GRID1: variants seen among roughly 807,000 people sequenced by gnomAD.
The protein encoded by GRID1 is glutamate receptor ionotropic, delta-1.
A neutral mutation model predicts 98.0 loss-of-function variants in GRID1; 28 were observed. The ratio of observed to expected loss-of-function variants is 0.29; its 90% CI spans 0.21 to 0.39. The LOEUF is 0.39. GRID1 is among the 10% of genes least tolerant of loss of function. The probability of loss-of-function intolerance (pLI) is 1.00; values close to 1 mark genes in which losing one functional copy is unlikely to be tolerated. For synonymous variants in GRID1, 553 were observed against 538.5 expected (o/e 1.03, Z -0.37); for missense variants, 1,111 against 1,340.5 (o/e 0.83, Z 2.67).
intron 2 of GRID1, among the ~76,000 whole-genome samples, chr10:86,359,777 C>A (rs1848578110): frequency 6.6e-6 from 1 of 152,172 alleles, no homozygotes; most frequent in Non-Finnish European, 1.5e-5. Context: ...TATATAAACT[C>A]CTACTTGAGC....
chr10:85,960,067 G>A (rs1394606004), intron 4 of GRID1, among the ~76,000 whole-genome samples: 1 of 152,034 alleles, frequency 6.6e-6, no homozygotes, highest in Non-Finnish European at 1.5e-5. Flanking sequence ...TTTTTTGGTA[G>A]AGACAGGGTT....
At chr10:86,270,540 A>G (rs12257669) in intron 2 of GRID1, among the ~76,000 whole-genome samples, 1 of 151,904 alleles carries the variant, frequency 6.6e-6, no homozygotes, top group East Asian at 1.9e-4. Flanking sequence ...AAACACAAAA[A>G]TTAGCCAGGT....
At chr10:85,992,563 T>C (rs1211458731) in intron 4 of GRID1, among the ~76,000 whole-genome samples, 1 of 150,704 alleles carries the variant, frequency 6.6e-6, no homozygotes, top group East Asian at 1.9e-4. Context: ...AGCCAGAGTG[T>C]TCAGGGAATG....
At chr10:85,774,403 A>G (rs1320893123) in intron 8 of GRID1, among the ~76,000 whole-genome samples, 2 of 152,148 alleles carry the variant, frequency 1.3e-5, no homozygotes, top group African/African-American at 4.8e-5. Flanking sequence ...ACCATTCAGG[A>G]CATAGGCATG....
chr10:86,175,581 G>A (rs1421682821), intron 3 of GRID1, among the ~76,000 whole-genome samples: 3 of 152,160 alleles, frequency 2.0e-5, no homozygotes, highest in Non-Finnish European at 2.9e-5. Context: ...AGGACATCAC[G>A]GACCTTTCCG....
At chr10:85,994,054 T>G (rs1842712899) in intron 4 of GRID1, among the ~76,000 whole-genome samples, 1 of 152,220 alleles carries the variant, frequency 6.6e-6, no homozygotes, top group Non-Finnish European at 1.5e-5. Context: ...TGCTGAGCCA[T>G]CTTCCCTGAT....
rs114194273 is a variant in GRID1 at position 85,719,712 on chromosome 10, G to A, written c.1997+3291C>T. Among the ~76,000 whole-genome samples the A allele has an allele frequency of 9.3e-3, 1,423 of 152,202 alleles. 17 individuals carry two copies. Among genetic ancestry groups the A allele is most frequent in the Middle Eastern group, 0.041 (12 of 294 alleles). ...ATATAATTCAGGTTGAGATTCGGGT[G>A]GGGGCACAGCCAAACCATATCAGTA... On this transcript the variant is annotated intron_variant, in intron 12 of 15. Coordinates refer to ENST00000327946, the MANE Select transcript of GRID1 (RefSeq NM_017551.3).
At position 85,602,433 on chromosome 10, in the gene GRID1, C is replaced by A. The variant is rs778597104; in HGVS notation, c.2870G>T (p.Ser957Ile). 6.2e-7 allele frequency: 1 copy of A among 1,614,160 alleles called. No homozygotes were observed. Among genetic ancestry groups the A allele is most frequent in the East Asian group, 2.2e-5 (1 of 44,862 alleles). ...CTGCATGGAGGGCATGGTCGCCGAGCTGCTCAGCGGCAGCGGCAGGTTGCT... is the reference window on the plus strand; with the variant it reads ...CTGCATGGAGGGCATGGTCGCCGAGATGCTCAGCGGCAGCGGCAGGTTGCT... ...PSSNLPLPLS[S>I]SATMPSMQCK... Residue 957 changes from serine (S) to isoleucine (I), a missense_variant, in exon 16 of 16, where the codon AGC (serine) becomes ATC (isoleucine). Transcript: ENST00000327946.
At chr10:85,938,347 C>A (rs1359066529) in intron 4 of GRID1, among the ~76,000 whole-genome samples, 16 of 152,206 alleles carry the variant, frequency 1.1e-4, no homozygotes, top group African/African-American at 3.9e-4. Flanking sequence ...AGAGTCCACC[C>A]TCTACTCTTG....
intron 8 of GRID1, among the ~76,000 whole-genome samples, chr10:85,821,918 C>A (rs911962812): frequency 6.6e-6 from 1 of 151,988 alleles, no homozygotes; most frequent in Admixed American, 6.6e-5. Flanking sequence ...ACAAACCTGA[C>A]AAAAACAAGA....
intron 4 of GRID1, among the ~76,000 whole-genome samples, chr10:86,065,184 C>G (rs1843701516): frequency 6.6e-6 from 1 of 152,212 alleles, no homozygotes; most frequent in Non-Finnish European, 1.5e-5. Context: ...AGTGGTTCTC[C>G]AAGTGTGCTC....
chr10:85,907,598 T>C (rs1841480729), intron 5 of GRID1, among the ~76,000 whole-genome samples: 1 of 152,176 alleles, frequency 6.6e-6, no homozygotes, highest in South Asian at 2.1e-4. Context: ...AACAAACATT[T>C]AGTGGAAAAA....
chr10:85,897,409 GA>G, intron 5 of GRID1, among the ~76,000 whole-genome samples: 1 of 152,330 alleles, frequency 6.6e-6, no homozygotes, highest in African/African-American at 2.4e-5. Context: ...CCTGAGCCAG[GA>G]AACCTCCAGG....
intron 13 of GRID1, among the ~76,000 whole-genome samples, chr10:85,639,728 C>T (rs1356865189): frequency 6.6e-6 from 1 of 152,110 alleles, no homozygotes; most frequent in Non-Finnish European, 1.5e-5. Flanking sequence ...ACAAAATTAG[C>T]TGGGCATGGT....
intron 12 of GRID1, among the ~76,000 whole-genome samples, chr10:85,706,732 C>A (rs1258851298): frequency 1.3e-5 from 2 of 152,144 alleles, no homozygotes; most frequent in African/African-American, 4.8e-5. Flanking sequence ...CTACAGTCAC[C>A]AAAACAGCAT....
intron 4 of GRID1, among the ~76,000 whole-genome samples, chr10:86,065,674 C>T (rs1312775786): frequency 6.6e-6 from 1 of 152,214 alleles, no homozygotes; most frequent in Non-Finnish European, 1.5e-5. Flanking sequence ...AACTAATTCA[C>T]TTGGTGATTA....
At chr10:85,666,068 G>T (rs1412952781) in intron 12 of GRID1, among the ~76,000 whole-genome samples, 1 of 152,118 alleles carries the variant, frequency 6.6e-6, no homozygotes, top group Non-Finnish European at 1.5e-5. Context: ...TTTTCTACCT[G>T]GTTTGTAAAG....
intron 3 of GRID1, among the ~76,000 whole-genome samples, chr10:86,165,628 G>A (rs1390564825): frequency 6.6e-6 from 1 of 152,190 alleles, no homozygotes; most frequent in African/African-American, 2.4e-5. Flanking sequence ...GTTCTGGGTT[G>A]GGTTTAAGGT....
rs60555673 is a variant in GRID1 at position 85,826,733 on chromosome 10, T to G, written c.1233+27763A>C. Among the ~76,000 whole-genome samples, 867 of 152,208 alleles carry G rather than the reference T, an allele frequency of 5.7e-3. 8 individuals are homozygous for G. The highest frequency in any genetic ancestry group is 0.02 in the African/African-American group (815 of 41,528). ...CTGGCCAGCATCTCCCATCAGATCATTGGGCCAACAGAATGGGAACACCTC... is the reference window on the plus strand; with the variant it reads ...CTGGCCAGCATCTCCCATCAGATCAGTGGGCCAACAGAATGGGAACACCTC... On this transcript the variant is annotated intron_variant, in intron 8 of 15. Transcript: ENST00000327946.
Sources: allele counts gnomAD v4.1 joint callset (sites outside exome capture counted in the v4.1 genomes callset), GRCh38; gene constraint gnomAD v4.1.1; transcripts MANE v1.5; gene names NCBI Gene and HGNC (gene_info 2026-07-23, HGNC 2026-07-21).